The following MACROD2 variants were observed in gnomAD, a reference collection of about 807,000 sequenced individuals.
MACROD2 encodes ADP-ribose glycohydrolase MACROD2.
In MACROD2, 36 loss-of-function variants were observed where a neutral mutation model predicts 70.4. The ratio of observed to expected loss-of-function variants is 0.51; its 90% CI spans 0.39 to 0.68. The LOEUF is 0.68. MACROD2 is among the 30% of genes least tolerant of loss of function. The pLI is 0.00. For synonymous variants in MACROD2, 172 were observed against 178.8 expected, an observed-to-expected ratio of 0.96 and a Z score of 0.30; for missense variants, 496 against 538.4, an observed-to-expected ratio of 0.92 and a Z score of 0.78.
At chr20:14,803,782 G>A (rs1228445028) in intron 5 of MACROD2, among the ~76,000 whole-genome samples, 1 of 151,998 alleles carries the variant, frequency 6.6e-6, no homozygotes, top group African/African-American at 2.4e-5. Context: ...CACCTGGCCT[G>A]TTCTTTATTA....
chr20:15,302,379 C>G, intron 6 of MACROD2, among the ~76,000 whole-genome samples: 1 of 76,846 alleles, frequency 1.3e-5, no homozygotes, highest in Admixed American at 1.3e-4. Flanking sequence ...CACACACACA[C>G]ACATACACAC....
intron 1 of MACROD2, chr20:13,996,552 A>C (rs1228350050): frequency 6.6e-6 from 1 of 152,220 alleles, no homozygotes. Flanking sequence ...ACTCTGTATG[A>C]ACCCATCTCT....
At chr20:14,280,095 A>G (rs564303047) in intron 3 of MACROD2, among the ~76,000 whole-genome samples, 8 of 152,192 alleles carry the variant, frequency 5.3e-5, no homozygotes, top group Admixed American at 2.6e-4. Context: ...AGAATATTCT[A>G]TGATATCTTT....
intron 8 of MACROD2, among the ~76,000 whole-genome samples, chr20:15,536,106 C>T (rs2047871279): frequency 6.6e-6 from 1 of 152,136 alleles, no homozygotes; most frequent in African/African-American, 2.4e-5. Context: ...CACACGATAC[C>T]GTTCCCCCTC....
chr20:14,409,006 T>A (rs921534453), intron 3 of MACROD2, among the ~76,000 whole-genome samples: 4 of 152,156 alleles, frequency 2.6e-5, no homozygotes, highest in Admixed American at 2.0e-4. Context: ...CTCTTGCCCA[T>A]GTCAAGCACA....
chr20:14,881,887 C>T (rs893965836), intron 5 of MACROD2, among the ~76,000 whole-genome samples: 2 of 152,122 alleles, frequency 1.3e-5, no homozygotes. Flanking sequence ...GGCCTGTCTC[C>T]CCCTAATTTC....
chr20:15,310,347 A>G (rs878885392), intron 6 of MACROD2, among the ~76,000 whole-genome samples: 2 of 152,122 alleles, frequency 1.3e-5, no homozygotes, highest in Admixed American at 1.3e-4. Context: ...TCTGGGGTGT[A>G]GATTTCATGC....
chr20:15,249,778 A>G (rs564158603), intron 6 of MACROD2, among the ~76,000 whole-genome samples: 1 of 152,336 alleles, frequency 6.6e-6, no homozygotes, highest in African/African-American at 2.4e-5. Flanking sequence ...GCAGAATGAC[A>G]ATCCATGTGG....
chr20:15,594,082 T>C (rs574023291), intron 8 of MACROD2, among the ~76,000 whole-genome samples: 1 of 152,310 alleles, frequency 6.6e-6, no homozygotes, highest in South Asian at 2.1e-4. Context: ...TTCAGCATGG[T>C]GGTTTGGAAT....
intron 5 of MACROD2, among the ~76,000 whole-genome samples, chr20:15,041,906 C>G (rs143249034): frequency 1.2e-3 from 180 of 152,136 alleles, no homozygotes; most frequent in African/African-American, 4.2e-3. Flanking sequence ...TTTTTAGGCC[C>G]ATAGGCTGAA....
Position 14,779,688 on chromosome 20 carries a change from A to G in MACROD2, c.418+94729A>G, listed in dbSNP as rs541595697. 5.3e-5 allele frequency among the ~76,000 whole-genome samples: 8 copies of G among 152,258 alleles called. No homozygotes were observed. In the South Asian group the frequency reaches 1.0e-3, roughly 20 times the overall value. On this transcript the variant is annotated intron_variant, in intron 5 of 17. Coordinates refer to ENST00000684519, the MANE Select transcript of MACROD2 (RefSeq NM_001351661.2). ...TACCAAATTCTCCTTAACAGATGGA[A>G]TGTTTAATAGGCCAATAAATAATAG...
intron 5 of MACROD2, among the ~76,000 whole-genome samples, chr20:14,862,212 T>A (rs1272576800): frequency 1.3e-4 from 1 of 7,818 alleles, no homozygotes; most frequent in Non-Finnish European, 2.5e-4. Flanking sequence ...TATAAATATA[T>A]ATATATATAA....
At chr20:14,693,678 A>T in intron 5 of MACROD2, among the ~76,000 whole-genome samples, 1 of 152,172 alleles carries the variant, frequency 6.6e-6, no homozygotes, top group East Asian at 1.9e-4. Flanking sequence ...GCTCTGTATT[A>T]TAGAATGTAA....
At chr20:14,685,086 T>TTCAGATATTGGTTCCCAAATGTAATGAA in intron 5 of MACROD2, 127 bp downstream of exon 5, 1 of 672,398 alleles carries the variant, frequency 1.5e-6, no homozygotes, top group East Asian at 2.7e-5. Flanking sequence ...TCAGATTTTG[T>TTCAGATATTGGTTCCCAAATGTAATGAA]ACATGGTAAT....
At chr20:14,691,744 T>G (rs113528682) in intron 5 of MACROD2, among the ~76,000 whole-genome samples, 14 of 152,278 alleles carry the variant, frequency 9.2e-5, no homozygotes, top group African/African-American at 2.9e-4. Context: ...GGAGTGGACA[T>G]GCTGCTAGGA....
chr20:15,349,617 A>G (rs1343914370), intron 6 of MACROD2, among the ~76,000 whole-genome samples: 2 of 151,958 alleles, frequency 1.3e-5, no homozygotes, highest in African/African-American at 2.4e-5. Flanking sequence ...TTAGCTGGGC[A>G]TGGGGGCACA....
At chr20:14,274,018 A>T (rs1414413227) in intron 3 of MACROD2, among the ~76,000 whole-genome samples, 1 of 152,048 alleles carries the variant, frequency 6.6e-6, no homozygotes, top group Non-Finnish European at 1.5e-5. Context: ...TTACCAACCA[A>T]AAAGAGTCCA....
intron 3 of MACROD2, among the ~76,000 whole-genome samples, chr20:14,443,762 A>C (rs1021832028): frequency 6.6e-6 from 1 of 152,096 alleles, no homozygotes; most frequent in African/African-American, 2.4e-5. Context: ...TGGCTCTGCT[A>C]CCTGCTAGCT....
intron 6 of MACROD2, among the ~76,000 whole-genome samples, chr20:15,418,668 C>G (rs544426479): frequency 1.1e-4 from 17 of 152,270 alleles, no homozygotes; most frequent in Admixed American, 1.1e-3. Flanking sequence ...AGCCAAGGAT[C>G]CATAATAACC....
Sources: allele counts gnomAD v4.1 joint callset (sites outside exome capture counted in the v4.1 genomes callset), GRCh38; gene constraint gnomAD v4.1.1; transcripts MANE v1.5; gene names NCBI Gene and HGNC (gene_info 2026-07-23, HGNC 2026-07-21).